Variants in SPI1 observed in about 807,000 individuals in gnomAD.
SPI1 encodes Spi-1 proto-oncogene.
A neutral mutation model predicts 30.7 loss-of-function variants in SPI1; 3 were observed. The ratio of observed to expected loss-of-function variants is 0.10; its 90% confidence interval spans 0.04 to 0.25. SPI1 has a LOEUF of 0.25. Among genes scored for constraint, SPI1 ranks in the 10% least tolerant of loss-of-function variants. The pLI is 1.00. For synonymous variants in SPI1, 169 were observed against 157.1 expected, an observed-to-expected ratio of 1.08 and a Z score of -0.56; for missense variants, 261 against 371.5, an observed-to-expected ratio of 0.70 and a Z score of 2.45.
At chr11:47,357,243 CACACATA>C (rs1252666812) in intron 4 of SPI1, among the ~76,000 whole-genome samples, 28 of 151,504 alleles carry the variant, frequency 1.8e-4, no homozygotes, top group Admixed American at 1.8e-3. Context: ...GCTCACACAT[CACACATA>C]CCTGCTCACA....
intron 2 of SPI1, among the ~76,000 whole-genome samples, chr11:47,361,932 C>G (rs909526320): frequency 2.0e-5 from 3 of 152,134 alleles, no homozygotes; most frequent in African/African-American, 4.8e-5. Context: ...GTTACTGAGG[C>G]CTTGTCTACA....
At chr11:47,358,725 GCA>G (rs3832728) in intron 4 of SPI1, 117 bp downstream of exon 4, 2,354 of 918,092 alleles carry the variant, frequency 2.6e-3, no homozygotes, top group Non-Finnish European at 3.5e-3. Context: ...TGGCAAACAT[GCA>G]CACACACACA....
At chr11:47,361,202 C>G (rs2095920325) in intron 2 of SPI1, among the ~76,000 whole-genome samples, 1 of 152,238 alleles carries the variant, frequency 6.6e-6, no homozygotes, top group South Asian at 2.1e-4. Flanking sequence ...GTCTCTCTCT[C>G]TGTCTCACAC....
At chr11:47,370,102 T>A (rs2095933680) in intron 2 of SPI1, among the ~76,000 whole-genome samples, 1 of 152,114 alleles carries the variant, frequency 6.6e-6, no homozygotes, top group South Asian at 2.1e-4. Flanking sequence ...ACATTTCCCC[T>A]CAGAAATATG....
Position 47,375,551 on chromosome 11 carries a change from A to G in SPI1, c.142+82T>C. On this transcript the variant is annotated intron_variant, in intron 2 of 4. Transcript: ENST00000378538. This position sits in a 1 kb window ranked among gnomAD's most constrained non-coding sequence, Gnocchi z 4.2. ...TCAGAATTCCAAAGAAGTCCTGGGA[A>G]TCATTTATTCTTTTTCTCTCTCCAG... 2 of 1,068,192 alleles carry G rather than the reference A, an allele frequency of 1.9e-6. No homozygotes were observed. The highest frequency in any genetic ancestry group is 2.6e-5 in the South Asian group (2 of 77,620). The allele number at this position is 1,068,192 out of a possible 1,614,324, so 66.2% of individuals were successfully genotyped here.
Position 47,378,410 on chromosome 11 carries a change from C to G in SPI1, c.-57G>C. ...GCCTCGGTGGGGGCCAATGCAGAGC[C>G]CCTCAGGATGGGGTGCCCCGTCAGG... is the stretch of plus-strand genomic sequence containing the variant. On this transcript the variant is annotated 5_prime_UTR_variant, in exon 1 of 5. Transcript: ENST00000378538. 1.3e-6 allele frequency: 2 copies of G among 1,575,310 alleles called. No homozygotes were observed. The highest frequency in any genetic ancestry group is 1.3e-5 in the African/African-American group (1 of 74,124).
chr11:47,375,609 G>T lies in SPI1; in HGVS notation c.142+24C>A, dbSNP rs149244266. 18 of 1,578,750 alleles carry T rather than the reference G, an allele frequency of 1.1e-5. No individual in the cohort carries two copies. Among genetic ancestry groups the T allele is most frequent in the Non-Finnish European group, 1.5e-5 (17 of 1,147,858 alleles). ...GAGCCCAGGCTGGGCTGGGGGATGGGGGCGTGGCAGGCCCCGTACTCACCG... is the reference window on the plus strand; with the variant it reads ...GAGCCCAGGCTGGGCTGGGGGATGGTGGCGTGGCAGGCCCCGTACTCACCG... On this transcript the variant is annotated intron_variant, in intron 2 of 4. Coordinates refer to ENST00000378538, the MANE Select transcript of SPI1 (RefSeq NM_003120.3). This position sits in a 1 kb window ranked among gnomAD's most constrained non-coding sequence, Gnocchi z 4.2.
At chr11:47,377,197 C>T (rs1015168339) in intron 1 of SPI1, among the ~76,000 whole-genome samples, 2 of 152,174 alleles carry the variant, frequency 1.3e-5, no homozygotes, top group African/African-American at 2.4e-5. Context: ...AGTACAGCCT[C>T]GCTGCAGGAT....
chr11:47,361,246 G>T (rs916490740), intron 2 of SPI1, among the ~76,000 whole-genome samples: 1 of 152,160 alleles, frequency 6.6e-6, no homozygotes, highest in Non-Finnish European at 1.5e-5. Context: ...ACATGGCCAA[G>T]GTGTGACAGC....
At chr11:47,361,905 G>A (rs2095921322) in intron 2 of SPI1, among the ~76,000 whole-genome samples, 1 of 78,890 alleles carries the variant, frequency 1.3e-5, no homozygotes, top group Non-Finnish European at 2.7e-5. Context: ...AGTCAGAAAT[G>A]CTTTTAGACC....
intron 1 of SPI1, among the ~76,000 whole-genome samples, chr11:47,377,806 C>T (rs2095944308): frequency 1.3e-5 from 2 of 152,252 alleles, no homozygotes; most frequent in South Asian, 2.1e-4. Flanking sequence ...ACAATCATGT[C>T]CTCTGTGCCA....
At chr11:47,369,250 A>C (rs550830485) in intron 2 of SPI1, among the ~76,000 whole-genome samples, 15 of 152,214 alleles carry the variant, frequency 9.9e-5, no homozygotes, top group Non-Finnish European at 1.9e-4. Context: ...AGACTGTCTC[A>C]AAAAAGCAAA....
intron 4 of SPI1, among the ~76,000 whole-genome samples, chr11:47,357,950 TCA>T (rs574699834): frequency 6.5e-4 from 98 of 151,310 alleles, no homozygotes; most frequent in African/African-American, 2.3e-3. Flanking sequence ...GCACACCTGC[TCA>T]CACACGCAGG....
In SPI1 at chr11:47,358,449, C is replaced by T. The variant is rs2095915382; in HGVS notation, c.493+395G>A. On this transcript the variant is annotated intron_variant, in intron 4 of 4. Transcript: ENST00000378538. ...ATTCATGTGTTGACAGACACACAAA[C>T]ATGGCCACACCCACTCTCAGCCACA... is the stretch of plus-strand genomic sequence containing the variant. 1.4e-5 allele frequency: 9 copies of T among 637,908 alleles called. No individual in the cohort carries two copies. In the South Asian group the frequency reaches 1.6e-4, roughly 11 times the overall value. 39.5% of individuals were successfully genotyped at this position (637,908 alleles called of 1,614,324 possible).
intron 4 of SPI1, among the ~76,000 whole-genome samples, chr11:47,356,997 TACAC>T (rs769133524): frequency 3.4e-5 from 5 of 146,238 alleles, no homozygotes; most frequent in East Asian, 4.2e-4. Context: ...CACCTATCCA[TACAC>T]ACACTTCCTC....
intron 4 of SPI1, among the ~76,000 whole-genome samples, 192 bp from the exon 5 acceptor site, chr11:47,355,738 AGG>A (rs2095907331): frequency 7.0e-6 from 1 of 142,718 alleles, no homozygotes. Flanking sequence ...GCGCACACAC[AGG>A]CGTTCACACA....
intron 2 of SPI1, among the ~76,000 whole-genome samples, chr11:47,361,807 C>T (rs1012981206): frequency 3.3e-5 from 5 of 152,190 alleles, no homozygotes; most frequent in African/African-American, 9.7e-5. Context: ...GACTGGATCT[C>T]GGAGTACTCG....
chr11:47,362,631 A>G (rs2095922480), intron 2 of SPI1, among the ~76,000 whole-genome samples: 1 of 138,512 alleles, frequency 7.2e-6, no homozygotes. Flanking sequence ...GCTGGAGTGC[A>G]GTGGCACGAT....
chr11:47,356,095 T>C (rs2095908481), intron 4 of SPI1, among the ~76,000 whole-genome samples: 1 of 148,500 alleles, frequency 6.7e-6, no homozygotes, highest in Non-Finnish European at 1.5e-5. Context: ...GCTTGTGCAA[T>C]GCACCCAAAC....
Sources: allele counts gnomAD v4.1 joint callset (sites outside exome capture counted in the v4.1 genomes callset), GRCh38; gene constraint gnomAD v4.1.1; non-coding constraint Gnocchi (gnomAD v3.1); transcripts MANE v1.5; gene names NCBI Gene and HGNC (gene_info 2026-07-23, HGNC 2026-07-21).